Variants in KLC4 observed in about 807,000 individuals in gnomAD.
The protein encoded by KLC4 is kinesin-like protein 8.
Under a neutral mutation model 77.2 loss-of-function variants are expected in KLC4, and 49 were observed. The observed-to-expected ratio is 0.63, with a 90% confidence interval of 0.50 to 0.80. The LOEUF (loss-of-function observed/expected upper bound fraction) is 0.80, where lower values mean the gene tolerates loss of function less well. KLC4 is among the 30% of genes least tolerant of loss of function. The pLI is 0.00. For synonymous variants in KLC4, 274 were observed against 314.5 expected (o/e 0.87, Z 1.36); for missense variants, 669 against 793.5 (o/e 0.84, Z 1.89).
rs1765386574 is a variant in KLC4, at chr6:43,065,661, C to A, written c.531C>A (p.Asp177Glu). 6.2e-7 allele frequency: 1 copy of A among 1,613,880 alleles called. No individual in the cohort carries two copies. The highest frequency in any genetic ancestry group is 8.5e-7 in the Non-Finnish European group (1 of 1,179,904). Residue 177 changes from aspartate to glutamate, a missense_variant, in exon 4 of 16, where the codon GAC (aspartate) becomes GAA (glutamate). Asp to Glu is a conservative substitution (Grantham distance 45, BLOSUM62 2). Transcript: ENST00000347162. ...ATGCCACCAAGGATTCCCTGGATGA[C>A]CTCTTTCCTAATGAGGAGGAAGAGG... Reference protein sequence around the residue: ...EGDATKDSLDDLFPNEEEEDP... With the variant: ...EGDATKDSLDELFPNEEEEDP...
At chr6:43,071,503 T>A (rs1765721547) in intron 9 of KLC4, 64 bp from the exon 10 acceptor site, 7 of 1,578,788 alleles carry the variant, frequency 4.4e-6, no homozygotes, top group Non-Finnish European at 6.1e-6. Flanking sequence ...AGCCTCTGGG[T>A]CCTGGCTCTC....
chr6:43,064,103 G>T (rs1468974080), intron 3 of KLC4, among the ~76,000 whole-genome samples: 1 of 152,214 alleles, frequency 6.6e-6, no homozygotes, highest in African/African-American at 2.4e-5. Flanking sequence ...CTCCCAAAAT[G>T]CTGGGATTAC....
At position 43,067,277 on chromosome 6, in the gene KLC4, C is replaced by G. The variant is rs138460435; in HGVS notation, c.879+194C>G. On this transcript the variant is annotated intron_variant, in intron 6 of 15. Transcript: ENST00000347162. ...CTCAATTCTCTGAGACTCAGTGACT[C>G]CTTTTTATAACAAATATTTTGCTTG... The G allele has an allele frequency of 7.8e-3, 9,612 of 1,226,094 alleles. 48 individuals are homozygous for G. Among genetic ancestry groups the G allele is most frequent in the Middle Eastern group, 0.03 (97 of 3,278 alleles). The allele number at this position is 1,226,094 out of a possible 1,614,324, so 76.0% of individuals were successfully genotyped here. A position where few individuals can be genotyped will look rare whatever the true frequency, so the allele number is the denominator to read the frequency against.
At position 43,066,947 on chromosome 6, in the gene KLC4, G is replaced by A. The variant is rs1765462718; in HGVS notation, c.792-49G>A. The A allele has an allele frequency of 3.8e-6, 6 of 1,582,726 alleles. No individual in the cohort carries two copies. In the East Asian group the frequency reaches 1.4e-4, roughly 36 times the overall value. Reference sequence around the variant, plus strand: ...CCTTCCAAAGGGAAGGAGGGAAGGAGAAGGCTTGCGGGTTCAGGGTAACTC... The same window carrying A: ...CCTTCCAAAGGGAAGGAGGGAAGGAAAAGGCTTGCGGGTTCAGGGTAACTC... On this transcript the variant is annotated intron_variant, in intron 5 of 15. Coordinates refer to ENST00000347162, the MANE Select transcript of KLC4 (RefSeq NM_201521.3).
chr6:43,059,875 C>T (rs548843407), intron 1 of KLC4, 190 bp downstream of exon 1: 1 of 1,214,240 alleles, frequency 8.2e-7, no homozygotes, highest in African/African-American at 1.6e-5. Context: ...TGCCCCGCCC[C>T]CTGCGCCACC....
chr6:43,069,127 A>G (rs899847732), intron 6 of KLC4, among the ~76,000 whole-genome samples: 1 of 152,224 alleles, frequency 6.6e-6, no homozygotes, highest in East Asian at 1.9e-4. Flanking sequence ...AAATAAATAA[A>G]TAAATATAAA....
At chr6:43,061,005 A>G in intron 1 of KLC4, 1 of 335,438 alleles carries the variant, frequency 3.0e-6, no homozygotes, top group South Asian at 4.3e-5. Context: ...TTCCTAACTC[A>G]GGCTGTAACT....
intron 3 of KLC4, 110 bp from the exon 4 acceptor site, chr6:43,065,510 A>G (rs2150353410): frequency 2.9e-6 from 2 of 701,698 alleles, no homozygotes; most frequent in South Asian, 1.8e-5. Flanking sequence ...CAGGAACAAC[A>G]GTCTTCTCCT....
intron 6 of KLC4, 80 bp downstream of exon 6, chr6:43,067,163 T>C (rs778849138): frequency 7.3e-7 from 1 of 1,376,116 alleles, no homozygotes; most frequent in South Asian, 1.2e-5. Flanking sequence ...CTCATCCATC[T>C]GCTGCCCTCA....
chr6:43,061,607 G>A lies in KLC4; in HGVS notation c.258+14G>A, dbSNP rs1464820054. On this transcript the variant is annotated intron_variant, in intron 2 of 15. Transcript: ENST00000347162. Reference sequence around the variant, plus strand: ...AGTGAGGCCCAGGTGAGAGGGCAAAGGTGGTGCCAAGTGGTCCAGGGTGGA... The same window carrying A: ...AGTGAGGCCCAGGTGAGAGGGCAAAAGTGGTGCCAAGTGGTCCAGGGTGGA... 6.2e-7 allele frequency: 1 copy of A among 1,602,514 alleles called. No individual in the cohort carries two copies. The highest frequency in any genetic ancestry group is 8.5e-7 in the Non-Finnish European group (1 of 1,171,804).
At chr6:43,063,372 A>G (rs1765261277) in intron 3 of KLC4, among the ~76,000 whole-genome samples, 1 of 152,212 alleles carries the variant, frequency 6.6e-6, no homozygotes, top group Non-Finnish European at 1.5e-5. Flanking sequence ...ACTGTGTACC[A>G]GGCATTGTGC....
chr6:43,065,143 C>T (rs1304277293), intron 3 of KLC4, among the ~76,000 whole-genome samples: 3 of 151,934 alleles, frequency 2.0e-5, no homozygotes, highest in South Asian at 2.1e-4. Context: ...GGCATGATCT[C>T]GGCTCACCGC....
chr6:43,073,337 A>C lies in KLC4; in HGVS notation c.1744A>C (p.Ser582Arg). The C allele has an allele frequency of 6.2e-7, 1 of 1,607,632 alleles. No homozygotes were observed. Among genetic ancestry groups the C allele is most frequent in the Non-Finnish European group, 8.5e-7 (1 of 1,174,788 alleles). ...KLQGTEPRPS[S>R]SNMKRAASLN... ...CCAGGGGACTGAGCCTCGGCCCTCC[A>C]GGTATACATGGAAGTCAAGATACAG... The change falls in exon 14 of 16, where the codon AGC becomes CGC. Residue 582 changes from serine (S) to arginine (R), a missense_variant and splice_region_variant. Ser to Arg is a moderately radical substitution (Grantham distance 110). Coordinates refer to ENST00000347162, the MANE Select transcript of KLC4 (RefSeq NM_201521.3).
intron 1 of KLC4, chr6:43,060,095 C>T (rs2150348696): frequency 6.5e-7 from 1 of 1,546,924 alleles, no homozygotes; most frequent in East Asian, 2.3e-5. Context: ...CCTTGCGACC[C>T]GGCAGCCGTT....
intron 3 of KLC4, 30 bp downstream of exon 3, chr6:43,063,177 G>A (rs371441111): frequency 1.8e-5 from 28 of 1,554,592 alleles, no homozygotes; most frequent in Admixed American, 5.1e-5. Flanking sequence ...ACTGGCTGAG[G>A]GGTGGGCAGC....
At chr6:43,065,751 G>C in intron 4 of KLC4, 50 bp downstream of exon 4, 7 of 1,347,488 alleles carry the variant, frequency 5.2e-6, no homozygotes, top group Non-Finnish European at 7.4e-6. Flanking sequence ...CAGGAGGCTG[G>C]CCCTAGCTGT....
intron 14 of KLC4, 156 bp from the exon 15 acceptor site, chr6:43,073,746 C>G: frequency 3.1e-6 from 2 of 655,208 alleles, no homozygotes; most frequent in Non-Finnish European, 5.4e-6. Flanking sequence ...GGAGAAGTAT[C>G]TCGGAGAGAA....
At position 43,067,126 on chromosome 6, in the gene KLC4, C is replaced by A. The variant is rs201974542; in HGVS notation, c.879+43C>A. ...TCCCCACCCCACGCCCCGCACCCCC[C>A]ACCATTGCTGTTTTGGCCTCTCTTA... is the stretch of plus-strand genomic sequence containing the variant. On this transcript the variant is annotated intron_variant, in intron 6 of 15. Coordinates refer to ENST00000347162, the MANE Select transcript of KLC4 (RefSeq NM_201521.3). 581 of 1,603,782 alleles carry A rather than the reference C, an allele frequency of 3.6e-4. 1 individual carries two copies. The Middle Eastern group carries it at 4.0e-3, about 11-fold the overall frequency.
chr6:43,068,444 C>T (rs1765564176), intron 6 of KLC4, among the ~76,000 whole-genome samples: 1 of 151,988 alleles, frequency 6.6e-6, no homozygotes, highest in African/African-American at 2.4e-5. Flanking sequence ...TACACTCCAG[C>T]CTGGGCAGCA....
Sources: allele counts gnomAD v4.1 joint callset (sites outside exome capture counted in the v4.1 genomes callset), GRCh38; gene constraint gnomAD v4.1.1; transcripts MANE v1.5; gene names NCBI Gene and HGNC (gene_info 2026-07-23, HGNC 2026-07-21).